Variants in LNP1 observed in about 807,000 individuals in gnomAD.
LNP1 encodes the protein leukemia NUP98 fusion partner 1.
Under a neutral mutation model 14.5 loss-of-function variants are expected in LNP1, and 12 were observed. The ratio of observed to expected loss-of-function variants is 0.83; its 90% CI spans 0.53 to 1.34. The LOEUF (loss-of-function observed/expected upper bound fraction) is 1.34. Ranked by LOEUF, LNP1 falls within the 40% of genes most tolerant of loss-of-function variation. The pLI is 0.00. For synonymous variants in LNP1, 75 were observed against 71.4 expected (o/e 1.05, Z -0.26); for missense variants, 198 against 210.9 (o/e 0.94, Z 0.38).
At chr3:100,418,908 A>G (rs1007184140) in intron 1 of LNP1, among the ~76,000 whole-genome samples, 6 of 152,172 alleles carry the variant, frequency 3.9e-5, no homozygotes, top group Non-Finnish European at 8.8e-5. Flanking sequence ...TTCAGCTACT[A>G]TTCTCAAATT....
chr3:100,423,673 AT>A (rs372790449), intron 1 of LNP1, among the ~76,000 whole-genome samples: 50 of 150,276 alleles, frequency 3.3e-4, no homozygotes, highest in African/African-American at 4.6e-4. Flanking sequence ...AAGAGAAGGT[AT>A]TTTTTTTTTC....
chr3:100,404,060 G>T (rs1008459172), intron 1 of LNP1, among the ~76,000 whole-genome samples: 19 of 152,146 alleles, frequency 1.2e-4, no homozygotes, highest in Admixed American at 2.6e-4. Flanking sequence ...TTTCCTTACT[G>T]AAAAATTACT....
At chr3:100,435,534 C>A (rs989977144) in intron 2 of LNP1, among the ~76,000 whole-genome samples, 1 of 152,114 alleles carries the variant, frequency 6.6e-6, no homozygotes, top group African/African-American at 2.4e-5. Context: ...TAAATGCATG[C>A]AGTGTATACA....
chr3:100,416,079 G>A (rs1382917683), intron 1 of LNP1, among the ~76,000 whole-genome samples: 1 of 152,208 alleles, frequency 6.6e-6, no homozygotes, highest in Non-Finnish European at 1.5e-5. Flanking sequence ...TCCTTTGCAA[G>A]GCAGAAGGCA....
chr3:100,404,073 A>G (rs1706940575), intron 1 of LNP1, among the ~76,000 whole-genome samples: 1 of 152,240 alleles, frequency 6.6e-6, no homozygotes, highest in South Asian at 2.1e-4. Flanking sequence ...AAATTACTGA[A>G]AAGAATTGTC....
chr3:100,404,507 TA>T (rs1346741783), intron 1 of LNP1, among the ~76,000 whole-genome samples: 1 of 152,232 alleles, frequency 6.6e-6, no homozygotes, highest in African/African-American at 2.4e-5. Flanking sequence ...ATGACTACCA[TA>T]TTGGACAGCA....
chr3:100,421,685 T>C (rs1707144731), intron 1 of LNP1, among the ~76,000 whole-genome samples: 1 of 152,222 alleles, frequency 6.6e-6, no homozygotes, highest in South Asian at 2.1e-4. Context: ...TACCTCTTAC[T>C]ACCCACTTGT....
chr3:100,414,869 C>G (rs925543207), intron 1 of LNP1, among the ~76,000 whole-genome samples: 3 of 152,156 alleles, frequency 2.0e-5, no homozygotes, highest in Non-Finnish European at 4.4e-5. Flanking sequence ...ACTCAGCTAA[C>G]CTGTGTTCAG....
intron 2 of LNP1, among the ~76,000 whole-genome samples, chr3:100,440,615 G>A (rs573829171): frequency 1.3e-5 from 2 of 152,066 alleles, no homozygotes; most frequent in East Asian, 1.9e-4. Flanking sequence ...ATTAACATTC[G>A]TAACCATTTG....
intron 2 of LNP1, among the ~76,000 whole-genome samples, chr3:100,435,499 A>G (rs897614184): frequency 1.3e-5 from 2 of 152,228 alleles, no homozygotes; most frequent in African/African-American, 4.8e-5. Context: ...TAACTTATTT[A>G]TTAAAAAAAT....
intron 1 of LNP1, among the ~76,000 whole-genome samples, chr3:100,414,310 G>A (rs547148846): frequency 6.6e-6 from 1 of 152,250 alleles, no homozygotes; most frequent in Admixed American, 6.5e-5. Flanking sequence ...ACTTTGGGAG[G>A]CCGAGGTGGG....
rs143198057 is a variant in LNP1 at position 100,452,823 on chromosome 3, C to G, written c.387+874C>G. On this transcript the variant is annotated intron_variant, in intron 3 of 3. Coordinates refer to ENST00000383693, the MANE Select transcript of LNP1 (RefSeq NM_001085451.2). ...AAGAATAGAATCTCCACTGGTGATG[C>G]TAAACTTGATACATAAAGTAATAAA... Among the ~76,000 whole-genome samples the G allele has an allele frequency of 3.3e-5, 5 of 152,228 alleles. No individual in the cohort carries two copies. The East Asian group carries it at 9.7e-4, about 29-fold the overall frequency.
chr3:100,410,376 C>G (rs1331478965), intron 1 of LNP1, among the ~76,000 whole-genome samples: 1 of 152,054 alleles, frequency 6.6e-6, no homozygotes, highest in African/African-American at 2.4e-5. Context: ...AAAGAACAGA[C>G]AGTTGGAAAC....
intron 1 of LNP1, among the ~76,000 whole-genome samples, chr3:100,417,638 C>CA (rs1161530335): frequency 6.6e-6 from 1 of 152,066 alleles, no homozygotes; most frequent in Non-Finnish European, 1.5e-5. Flanking sequence ...CTTGGCCCTT[C>CA]AAAATGCTGG....
At chr3:100,410,754 T>A (rs1408057969) in intron 1 of LNP1, among the ~76,000 whole-genome samples, 2 of 152,184 alleles carry the variant, frequency 1.3e-5, no homozygotes, top group Non-Finnish European at 2.9e-5. Flanking sequence ...CTATCAGACT[T>A]AGATTTTACA....
chr3:100,439,042 C>T (rs1707318360), intron 2 of LNP1, among the ~76,000 whole-genome samples: 2 of 152,118 alleles, frequency 1.3e-5, no homozygotes, highest in African/African-American at 4.8e-5. Flanking sequence ...GGCCCATTTT[C>T]CACAAAGTCA....
chr3:100,411,819 G>A (rs1248068229), intron 1 of LNP1, among the ~76,000 whole-genome samples: 1 of 152,022 alleles, frequency 6.6e-6, no homozygotes, highest in Non-Finnish European at 1.5e-5. Context: ...CCTCCCCAAA[G>A]TCCCATCTCC....
chr3:100,425,865 A>G (rs1559842692), intron 1 of LNP1, among the ~76,000 whole-genome samples: 1 of 152,248 alleles, frequency 6.6e-6, no homozygotes. Flanking sequence ...CCTAGAAAAT[A>G]TCAATTTCTG....
chr3:100,418,142 C>T (rs985049443), intron 1 of LNP1, among the ~76,000 whole-genome samples: 10 of 150,892 alleles, frequency 6.6e-5, no homozygotes, highest in African/African-American at 2.4e-4. Flanking sequence ...TCAATGCAAC[C>T]TCTGCCTCCT....
Sources: allele counts gnomAD v4.1 joint callset (sites outside exome capture counted in the v4.1 genomes callset), GRCh38; gene constraint gnomAD v4.1.1; transcripts MANE v1.5; gene names NCBI Gene and HGNC (gene_info 2026-07-23, HGNC 2026-07-21).